The following FOXP1 variants were observed in gnomAD, a reference collection of about 807,000 sequenced individuals.
FOXP1 encodes forkhead box P1.
In FOXP1, 15 loss-of-function variants were observed where a neutral mutation model predicts 98.2. That is an observed-to-expected ratio of 0.15 (90% CI 0.10 to 0.24). The LOEUF (loss-of-function observed/expected upper bound fraction) is 0.24. FOXP1 is among the 10% of genes least tolerant of loss of function. The probability of loss-of-function intolerance (pLI) is 1.00; values close to 1 mark genes in which losing one functional copy is unlikely to be tolerated. For synonymous variants in FOXP1, 371 were observed against 314.5 expected (o/e 1.18, Z -1.90); for missense variants, 633 against 848.5 (o/e 0.75, Z 3.15).
intron 3 of FOXP1, among the ~76,000 whole-genome samples, chr3:71,446,437 C>CT (rs1236815314): frequency 2.0e-5 from 3 of 152,038 alleles, no homozygotes; most frequent in Non-Finnish European, 4.4e-5. Flanking sequence ...GACATGCCCC[C>CT]TGGAGCCTCT....
chr3:71,197,248 G>A (rs960089307), intron 6 of FOXP1, among the ~76,000 whole-genome samples: 2 of 151,902 alleles, frequency 1.3e-5, no homozygotes, highest in Non-Finnish European at 2.9e-5. Context: ...TCTGAGTGGC[G>A]CCATAACTAT....
chr3:71,404,104 T>TTTTTCTTTTC (rs377427919), intron 3 of FOXP1, among the ~76,000 whole-genome samples: 29 of 123,862 alleles, frequency 2.3e-4, no homozygotes, highest in Non-Finnish European at 3.1e-4. Flanking sequence ...TATTGGGGTT[T>TTTTTCTTTTC]TTTTCTTTTC....
intron 5 of FOXP1, among the ~76,000 whole-genome samples, chr3:71,281,004 AC>A (rs1292033975): frequency 6.8e-6 from 1 of 147,042 alleles, no homozygotes; most frequent in African/African-American, 2.5e-5. Flanking sequence ...GACAGATCCT[AC>A]CAGCCTGGGC....
chr3:71,427,686 T>C (rs544123307), intron 3 of FOXP1, among the ~76,000 whole-genome samples: 2 of 152,264 alleles, frequency 1.3e-5, no homozygotes, highest in Admixed American at 6.5e-5. Context: ...AGGAGAATGA[T>C]ACAAGCGATG....
intron 3 of FOXP1, among the ~76,000 whole-genome samples, chr3:71,429,494 GA>G (rs2084492938): frequency 9.3e-6 from 1 of 107,918 alleles, no homozygotes; most frequent in Non-Finnish European, 1.9e-5. Context: ...GGGGGGGCGG[GA>G]GGGGGGGTAC....
chr3:71,483,108 G>A (rs2090407332), intron 3 of FOXP1, among the ~76,000 whole-genome samples: 1 of 151,948 alleles, frequency 6.6e-6, no homozygotes, highest in African/African-American at 2.4e-5. Context: ...CAAAGTGCTG[G>A]GATTACAGGT....
Position 71,190,602 on chromosome 3 carries a change from T to C in FOXP1, c.180+7600A>G, listed in dbSNP as rs148075618. On this transcript the variant is annotated intron_variant, in intron 6 of 20. Coordinates refer to ENST00000649528, the MANE Select transcript of FOXP1 (RefSeq NM_001349338.3). ...CATGATCGCAACCCTGTACTCTCTG[T>C]ACTCTAACCTGGGTGACCGAGCTAG... Among the ~76,000 whole-genome samples, 1,185 of 129,420 alleles carry C rather than the reference T, an allele frequency of 9.2e-3. 13 individuals carry two copies. Among genetic ancestry groups the C allele is most frequent in the Admixed American group, 0.018 (195 of 10,810 alleles). 84.9% of individuals were successfully genotyped at this position (129,420 alleles called of 152,430 possible).
In FOXP1 at chr3:71,029,854, C is replaced by G. The variant is rs187497109; in HGVS notation, c.869+11474G>C. Among the ~76,000 whole-genome samples, 10 of 152,188 alleles carry G rather than the reference C, an allele frequency of 6.6e-5. No homozygotes were observed. The East Asian group carries it at 1.5e-3, about 23-fold the overall frequency. On this transcript the variant is annotated intron_variant, in intron 11 of 20. Transcript: ENST00000649528. ...TACATTGTGGTCATCTTTTAATTCC[C>G]AGAATCTACAGAGTTATTATATAAT...
chr3:71,337,448 G>A (rs1429956084), intron 4 of FOXP1, among the ~76,000 whole-genome samples: 1 of 152,190 alleles, frequency 6.6e-6, no homozygotes, highest in Non-Finnish European at 1.5e-5. Context: ...GAACTGATCT[G>A]TGCGCGAGCA....
chr3:71,583,361 G>C lies in FOXP1; in HGVS notation c.-447+210C>G, dbSNP rs544588869. On this transcript the variant is annotated intron_variant, in intron 1 of 20. Transcript: ENST00000649528. ...ATCCCAGAGCTGGGCCTCGACCCGG[G>C]GGGGAGAGGAAGAGAGGGGAGGGCT... The C allele has an allele frequency of 1.3e-3, 1,008 of 774,082 alleles. 15 individuals carry two copies. In the African/African-American group the frequency reaches 0.018, roughly 14 times the overall value. The allele number at this position is 774,082 out of a possible 1,614,324, so 48.0% of individuals were successfully genotyped here.
chr3:71,067,022 A>G (rs1420615652), intron 7 of FOXP1, among the ~76,000 whole-genome samples: 2 of 152,170 alleles, frequency 1.3e-5, no homozygotes, highest in Non-Finnish European at 1.5e-5. Flanking sequence ...CCATGGGACC[A>G]CAAAGAAGGA....
At chr3:70,970,148 A>ATC (rs2035894958) in intron 19 of FOXP1, 1 of 153,864 alleles carries the variant, frequency 6.5e-6, no homozygotes, top group Non-Finnish European at 1.4e-5. Flanking sequence ...GTAGGAAATA[A>ATC]ATACTCCGTG....
intron 5 of FOXP1, chr3:71,295,950 G>A (rs2073244515): frequency 6.6e-6 from 1 of 152,092 alleles, no homozygotes; most frequent in Admixed American, 6.6e-5. Context: ...CTGTAAAGTG[G>A]GGATTATGAG....
intron 4 of FOXP1, among the ~76,000 whole-genome samples, chr3:71,303,773 G>A (rs1392368604): frequency 6.7e-6 from 1 of 149,738 alleles, no homozygotes; most frequent in Non-Finnish European, 1.5e-5. Context: ...GGGGAATGAA[G>A]AAAGAAAAGA....
At chr3:70,997,845 C>G (rs906413094) in intron 13 of FOXP1, among the ~76,000 whole-genome samples, 5 of 152,120 alleles carry the variant, frequency 3.3e-5, no homozygotes, top group African/African-American at 1.2e-4. Context: ...AATATGCTTG[C>G]TAAATAAGTG....
chr3:71,049,109 A>G (rs545626384), intron 9 of FOXP1, among the ~76,000 whole-genome samples: 8 of 152,276 alleles, frequency 5.3e-5, no homozygotes, highest in Non-Finnish European at 1.0e-4. Flanking sequence ...CATACAAAAA[A>G]GGTCTCCGTG....
intron 3 of FOXP1, among the ~76,000 whole-genome samples, chr3:71,423,011 G>A (rs775074978): frequency 6.6e-6 from 1 of 152,124 alleles, no homozygotes; most frequent in Non-Finnish European, 1.5e-5. Flanking sequence ...AGCCAGGAAA[G>A]AGCTGCCTGA....
At chr3:71,063,193 T>G (rs2051790348) in intron 7 of FOXP1, among the ~76,000 whole-genome samples, 1 of 152,226 alleles carries the variant, frequency 6.6e-6, no homozygotes, top group African/African-American at 2.4e-5. Flanking sequence ...TTTTACACAC[T>G]TTTCACTGAA....
intron 3 of FOXP1, among the ~76,000 whole-genome samples, chr3:71,426,343 G>A (rs889666248): frequency 2.0e-5 from 3 of 152,128 alleles, no homozygotes; most frequent in Non-Finnish European, 2.9e-5. Flanking sequence ...CTCTCCTTGC[G>A]AAGATGTCAG....
Sources: allele counts gnomAD v4.1 joint callset (sites outside exome capture counted in the v4.1 genomes callset), GRCh38; gene constraint gnomAD v4.1.1; transcripts MANE v1.5; gene names NCBI Gene and HGNC (gene_info 2026-07-23, HGNC 2026-07-21).